Variants in CSGALNACT1 observed in about 807,000 individuals in gnomAD.
CSGALNACT1 encodes the protein beta4GalNAcT-1.
In CSGALNACT1, 52 loss-of-function variants were observed where a neutral mutation model predicts 51.0. That is an observed-to-expected ratio of 1.02 (90% CI 0.82 to 1.29). The LOEUF is 1.29. CSGALNACT1 is among the 50% of genes most tolerant of loss of function. The probability of loss-of-function intolerance (pLI) is 0.00; values close to 1 mark genes in which losing one functional copy is unlikely to be tolerated. For synonymous variants in CSGALNACT1, 341 were observed against 254.4 expected (o/e 1.34, Z -3.24); for missense variants, 935 against 679.2 (o/e 1.38, Z -4.19).
intron 2 of CSGALNACT1, among the ~76,000 whole-genome samples, chr8:19,594,326 T>G (rs1395072864): frequency 6.6e-6 from 1 of 152,142 alleles, no homozygotes; most frequent in East Asian, 1.9e-4. Context: ...GTGGTCAAAG[T>G]GCCAAATGAT....
At chr8:19,740,684 T>C (rs1331068904) in intron 1 of CSGALNACT1, among the ~76,000 whole-genome samples, 1 of 152,178 alleles carries the variant, frequency 6.6e-6, no homozygotes, top group African/African-American at 2.4e-5. Flanking sequence ...AACAAATTAT[T>C]TGTGGATGCA....
At chr8:19,659,814 A>C (rs1178251558) in intron 1 of CSGALNACT1, among the ~76,000 whole-genome samples, 2 of 152,060 alleles carry the variant, frequency 1.3e-5, no homozygotes, top group Non-Finnish European at 2.9e-5. Flanking sequence ...AAAGCACATA[A>C]CCCTCCAGCA....
chr8:19,644,400 C>T (rs555330551), intron 1 of CSGALNACT1, among the ~76,000 whole-genome samples: 1 of 146,252 alleles, frequency 6.8e-6, no homozygotes, highest in African/African-American at 2.5e-5. Flanking sequence ...AGTTCTTAAC[C>T]TCTCAAAAAA....
At chr8:19,525,580 G>A (rs2081502551) in intron 3 of CSGALNACT1, among the ~76,000 whole-genome samples, 1 of 118,808 alleles carries the variant, frequency 8.4e-6, no homozygotes, top group African/African-American at 3.2e-5. Flanking sequence ...TCATGCCACT[G>A]CATGCCAGTC....
At chr8:19,600,408 G>A (rs2050151206) in intron 2 of CSGALNACT1, among the ~76,000 whole-genome samples, 1 of 152,048 alleles carries the variant, frequency 6.6e-6, no homozygotes, top group South Asian at 2.1e-4. Context: ...AGTTTATTTT[G>A]ACTGTTTTCT....
chr8:19,632,040 C>G (rs564085599), intron 1 of CSGALNACT1, among the ~76,000 whole-genome samples: 1 of 152,294 alleles, frequency 6.6e-6, no homozygotes, highest in South Asian at 2.1e-4. Context: ...TATTTTCTTA[C>G]TATATTTCAA....
intron 1 of CSGALNACT1, among the ~76,000 whole-genome samples, chr8:19,752,453 G>A (rs972150890): frequency 5.9e-5 from 9 of 152,070 alleles, no homozygotes; most frequent in South Asian, 2.1e-4. Flanking sequence ...TGACTGATGC[G>A]TTAACTTTAG....
At chr8:19,510,406 A>C (rs2078240896) in intron 3 of CSGALNACT1, among the ~76,000 whole-genome samples, 1 of 152,188 alleles carries the variant, frequency 6.6e-6, no homozygotes, top group Non-Finnish European at 1.5e-5. Context: ...GCAATGAATA[A>C]ACAATAGACG....
intron 1 of CSGALNACT1, among the ~76,000 whole-genome samples, chr8:19,662,918 G>T (rs2058883547): frequency 6.6e-6 from 1 of 152,242 alleles, no homozygotes; most frequent in Non-Finnish European, 1.5e-5. Context: ...AAACAATGAG[G>T]CTATGTCAAA....
At chr8:19,573,795 G>A (rs542775259) in intron 3 of CSGALNACT1, among the ~76,000 whole-genome samples, 1 of 152,174 alleles carries the variant, frequency 6.6e-6, no homozygotes, top group Non-Finnish European at 1.5e-5. Context: ...GGATGTATAA[G>A]GCTTCTCTCT....
rs148592499 is a variant in CSGALNACT1 at position 19,427,743 on chromosome 8, G to A, written c.954-7225C>T. Among the ~76,000 whole-genome samples, 537 of 152,036 alleles carry A rather than the reference G, an allele frequency of 3.5e-3. 2 individuals are homozygous for A. The highest frequency in any genetic ancestry group is 0.013 in the African/African-American group (521 of 41,450). On this transcript the variant is annotated intron_variant, in intron 6 of 9. Transcript: ENST00000454498. ...GCGAAGCTTGCCGTTAGCCGAGATC[G>A]CGCCACTGCACTCCAGCCTGGGCAA...
intron 4 of CSGALNACT1, among the ~76,000 whole-genome samples, chr8:19,485,952 G>C (rs2072820407): frequency 6.6e-6 from 1 of 151,312 alleles, no homozygotes; most frequent in African/African-American, 2.4e-5. Flanking sequence ...TTTTAGTAAA[G>C]ACAGGGTTTC....
chr8:19,560,818 G>T (rs1426146321), intron 3 of CSGALNACT1, among the ~76,000 whole-genome samples: 1 of 152,156 alleles, frequency 6.6e-6, no homozygotes, highest in South Asian at 2.1e-4. Flanking sequence ...ATAGAGAAAG[G>T]CATGCTGGTA....
intron 3 of CSGALNACT1, among the ~76,000 whole-genome samples, chr8:19,587,717 A>T (rs1197085028): frequency 6.6e-6 from 1 of 152,200 alleles, no homozygotes; most frequent in African/African-American, 2.4e-5. Context: ...CCTGCATTAC[A>T]AGAGAAACTG....
intron 3 of CSGALNACT1, among the ~76,000 whole-genome samples, chr8:19,547,026 G>C (rs952177397): frequency 6.6e-6 from 1 of 152,194 alleles, no homozygotes; most frequent in African/African-American, 2.4e-5. Flanking sequence ...AACACCGTCT[G>C]AGAACTTACC....
At chr8:19,581,135 A>C (rs1257297266) in intron 3 of CSGALNACT1, among the ~76,000 whole-genome samples, 1 of 152,230 alleles carries the variant, frequency 6.6e-6, no homozygotes, top group Non-Finnish European at 1.5e-5. Flanking sequence ...ATCAAGCCTG[A>C]GATCCAACAA....
upstream of CSGALNACT1, among the ~76,000 whole-genome samples, chr8:19,686,957 A>T (rs2061012325): frequency 6.6e-6 from 1 of 152,194 alleles, no homozygotes; most frequent in Non-Finnish European, 1.5e-5. Context: ...CTTGGCACAG[A>T]GCTTTCCATC....
At chr8:19,642,739 T>G (rs938187242) in intron 1 of CSGALNACT1, among the ~76,000 whole-genome samples, 1 of 151,018 alleles carries the variant, frequency 6.6e-6, no homozygotes, top group African/African-American at 2.4e-5. Context: ...TGAGCTGCTG[T>G]GCTTTCACCA....
intron 3 of CSGALNACT1, among the ~76,000 whole-genome samples, chr8:19,553,821 G>C (rs1410000891): frequency 1.3e-5 from 2 of 151,314 alleles, no homozygotes; most frequent in African/African-American, 4.9e-5. Flanking sequence ...TGTTCTCAGA[G>C]AGCTGAGAAA....
Sources: gnomAD v4.1 joint callset for allele counts (sites outside exome capture counted in the v4.1 genomes callset) on GRCh38, gnomAD v4.1.1 for gene constraint, MANE v1.5 for transcripts, NCBI Gene and HGNC (gene_info 2026-07-23, HGNC 2026-07-21) for gene names.